MFHAS1: variants seen among roughly 807,000 people sequenced by gnomAD.
MFHAS1 encodes the protein multifunctional ROCO family signaling regulator 1, also known as malignant fibrous histiocytoma-amplified sequence 1.
Under a neutral mutation model 70.4 loss-of-function variants are expected in MFHAS1, and 50 were observed. That is an observed-to-expected ratio of 0.71 (90% CI 0.57 to 0.90). The LOEUF is 0.90. Ranked by LOEUF, MFHAS1 falls within the 40% of genes least tolerant of loss-of-function variation. The pLI is 0.00. For synonymous variants in MFHAS1, 952 were observed against 620.0 expected, an observed-to-expected ratio of 1.54 and a Z score of -7.96; for missense variants, 1,795 against 1,347.6, an observed-to-expected ratio of 1.33 and a Z score of -5.20.
chr8:8,886,339 A>G (rs1004985029), intron 1 of MFHAS1, among the ~76,000 whole-genome samples: 1 of 150,338 alleles, frequency 6.7e-6, no homozygotes, highest in Non-Finnish European at 1.5e-5. Context: ...TTTATTTTTT[A>G]TTTTTTTTTG....
intron 1 of MFHAS1, among the ~76,000 whole-genome samples, chr8:8,886,826 T>C (rs1809771032): frequency 6.6e-6 from 1 of 152,186 alleles, no homozygotes; most frequent in Admixed American, 6.5e-5. Context: ...CAAAATGACT[T>C]CTTAAAAAGA....
intron 1 of MFHAS1, among the ~76,000 whole-genome samples, chr8:8,827,635 T>C (rs1377921220): frequency 1.3e-5 from 2 of 152,248 alleles, no homozygotes; most frequent in African/African-American, 2.4e-5. Context: ...CTCTGACACA[T>C]AGGCTGCAAA....
chr8:8,822,256 G>C, intron 1 of MFHAS1: 1 of 152,612 alleles, frequency 6.6e-6, no homozygotes, highest in Non-Finnish European at 1.5e-5. Flanking sequence ...AGCCAAGAGA[G>C]GCTGGGGCGG....
intron 1 of MFHAS1, among the ~76,000 whole-genome samples, chr8:8,806,728 AGGCT>A (rs1806303860): frequency 6.6e-6 from 1 of 152,206 alleles, no homozygotes; most frequent in Non-Finnish European, 1.5e-5. Flanking sequence ...TGGGAGGCCA[AGGCT>A]GGCAGATCAC....
chr8:8,794,924 G>C (rs532987205), intron 2 of MFHAS1, among the ~76,000 whole-genome samples: 1 of 152,260 alleles, frequency 6.6e-6, no homozygotes, highest in Non-Finnish European at 1.5e-5. Context: ...TTTCAGGTTG[G>C]TATAAACGTG....
chr8:8,818,524 A>T (rs1364205404), intron 1 of MFHAS1, among the ~76,000 whole-genome samples: 1 of 152,232 alleles, frequency 6.6e-6, no homozygotes, highest in Non-Finnish European at 1.5e-5. Context: ...AACCCTGTGG[A>T]ACTGACTTAG....
intron 1 of MFHAS1, among the ~76,000 whole-genome samples, chr8:8,886,504 G>C (rs1426176512): frequency 2.0e-5 from 3 of 152,106 alleles, no homozygotes; most frequent in East Asian, 1.9e-4. Context: ...TAAGAAAAGA[G>C]AAATTTACCA....
intron 1 of MFHAS1, among the ~76,000 whole-genome samples, chr8:8,864,481 T>C (rs1229960132): frequency 3.3e-5 from 5 of 152,250 alleles, no homozygotes; most frequent in African/African-American, 9.6e-5. Flanking sequence ...CAAATTCATA[T>C]CCTAAATATT....
intron 1 of MFHAS1, among the ~76,000 whole-genome samples, chr8:8,824,366 G>A (rs1025970964): frequency 6.6e-6 from 1 of 152,044 alleles, no homozygotes; most frequent in African/African-American, 2.4e-5. Context: ...ACCCACTCCA[G>A]CACAGGAAAA....
chr8:8,887,260 A>G (rs1809795575), intron 1 of MFHAS1, among the ~76,000 whole-genome samples: 1 of 152,206 alleles, frequency 6.6e-6, no homozygotes, highest in African/African-American at 2.4e-5. Flanking sequence ...TGCTCTACTT[A>G]AACACTCAAC....
At position 8,784,696 on chromosome 8, in the gene MFHAS1, G is replaced by C. The variant is rs1001131084; in HGVS notation, c.*1326C>G. On this transcript the variant is annotated 3_prime_UTR_variant, in exon 3 of 3. Transcript: ENST00000276282. ...CACTCTTCTTGTCTGAGGCTGGCGAGAAGCAGTCAGTTTTATACATTTTCG... is the reference window on the plus strand; with the variant it reads ...CACTCTTCTTGTCTGAGGCTGGCGACAAGCAGTCAGTTTTATACATTTTCG... 1 of 152,176 alleles carries C rather than the reference G, an allele frequency of 6.6e-6. No homozygotes were observed. Among genetic ancestry groups the C allele is most frequent in the African/African-American group, 2.4e-5 (1 of 41,452 alleles). 9.4% of individuals were successfully genotyped at this position (152,176 alleles called of 1,614,324 possible).
chr8:8,876,397 G>A (rs940757450), intron 1 of MFHAS1, among the ~76,000 whole-genome samples: 18 of 152,050 alleles, frequency 1.2e-4, no homozygotes, highest in African/African-American at 3.9e-4. Context: ...TGATAAGTTG[G>A]CAGGCAAGGG....
At chr8:8,841,050 A>C (rs992479869) in intron 1 of MFHAS1, among the ~76,000 whole-genome samples, 2 of 152,236 alleles carry the variant, frequency 1.3e-5, no homozygotes, top group African/African-American at 4.8e-5. Context: ...TAAATAAGTA[A>C]AAAATAATAA....
intron 1 of MFHAS1, among the ~76,000 whole-genome samples, chr8:8,878,516 T>G (rs1360881575): frequency 6.6e-6 from 1 of 152,158 alleles, no homozygotes; most frequent in African/African-American, 2.4e-5. Context: ...GATGTGATGA[T>G]TAACACAATT....
chr8:8,797,542 G>A, intron 1 of MFHAS1, 51 bp from the exon 2 acceptor site: 2 of 1,581,910 alleles, frequency 1.3e-6, no homozygotes, highest in Middle Eastern at 1.7e-4. Context: ...CTAAAAATGG[G>A]CTCATTTTAC....
At chr8:8,870,715 T>C (rs976040093) in intron 1 of MFHAS1, among the ~76,000 whole-genome samples, 3 of 152,108 alleles carry the variant, frequency 2.0e-5, no homozygotes, top group Non-Finnish European at 4.4e-5. Context: ...CTTTTTCTCC[T>C]GGAATTTATT....
intron 1 of MFHAS1, among the ~76,000 whole-genome samples, chr8:8,833,996 CAT>C (rs981925761): frequency 4.1e-4 from 62 of 152,128 alleles, no homozygotes; most frequent in Middle Eastern, 3.4e-3. Context: ...CATGGTGGTA[CAT>C]GTCTGTAATC....
chr8:8,825,714 T>C (rs996625187), intron 1 of MFHAS1, among the ~76,000 whole-genome samples: 2 of 152,200 alleles, frequency 1.3e-5, no homozygotes, highest in African/African-American at 4.8e-5. Flanking sequence ...ATTACCTCTT[T>C]AAAGACCCTA....
intron 1 of MFHAS1, among the ~76,000 whole-genome samples, chr8:8,807,078 G>A (rs916105547): frequency 6.6e-6 from 1 of 152,066 alleles, no homozygotes; most frequent in African/African-American, 2.4e-5. Context: ...ACCTGAGCAC[G>A]CTGGGCGCTT....
Sources: allele counts gnomAD v4.1 joint callset (sites outside exome capture counted in the v4.1 genomes callset), GRCh38; gene constraint gnomAD v4.1.1; transcripts MANE v1.5; gene names NCBI Gene and HGNC (gene_info 2026-07-23, HGNC 2026-07-21).